RPS6KA2: variants seen among roughly 807,000 people sequenced by gnomAD.
RPS6KA2 encodes the protein ribosomal protein S6 kinase A2, also known as ribosomal protein S6 kinase alpha-2.
RPS6KA2 carries 42 observed loss-of-function variants against 91.8 expected under a neutral mutation model. That is an observed-to-expected ratio of 0.46 (90% CI 0.36 to 0.59). The LOEUF is 0.59. RPS6KA2 is among the 20% of genes least tolerant of loss of function. RPS6KA2 has a pLI of 0.00. For missense variants in RPS6KA2, 798 were observed against 978.5 expected (o/e 0.82, Z 2.46); for synonymous variants, 414 against 393.6 (o/e 1.05, Z -0.61).
intron 1 of RPS6KA2, among the ~76,000 whole-genome samples, chr6:166,572,284 A>G (rs530150830): frequency 3.4e-4 from 52 of 152,376 alleles, no homozygotes; most frequent in African/African-American, 1.2e-3. Flanking sequence ...TAGCTACCCA[A>G]TAAATATTGA....
chr6:166,521,911 G>A (rs1363031354), intron 3 of RPS6KA2, among the ~76,000 whole-genome samples: 1 of 152,164 alleles, frequency 6.6e-6, no homozygotes, highest in African/African-American at 2.4e-5. Context: ...AGGTGATTAG[G>A]TCAGAAGGGT....
At chr6:166,532,063 A>G (rs1036828510) in intron 2 of RPS6KA2, among the ~76,000 whole-genome samples, 1 of 152,216 alleles carries the variant, frequency 6.6e-6, no homozygotes, top group Non-Finnish European at 1.5e-5. Flanking sequence ...ATCTGCTTGC[A>G]TGATGGAGAT....
intron 1 of RPS6KA2, among the ~76,000 whole-genome samples, chr6:166,588,771 G>C (rs188263074): frequency 1.2e-4 from 18 of 152,164 alleles, no homozygotes; most frequent in Admixed American, 1.2e-3. Context: ...CTCAGGGCCC[G>C]AAGAGAGTCC....
chr6:166,579,132 C>G (rs1252741884), intron 1 of RPS6KA2, among the ~76,000 whole-genome samples: 13 of 152,272 alleles, frequency 8.5e-5, no homozygotes, highest in Admixed American at 7.2e-4. Flanking sequence ...ACCGCCTGGC[C>G]GTATCTGCCA....
intron 2 of RPS6KA2, among the ~76,000 whole-genome samples, chr6:166,693,477 T>C (rs996087066): frequency 6.6e-6 from 1 of 152,236 alleles, no homozygotes; most frequent in Non-Finnish European, 1.5e-5. Flanking sequence ...CTCAGGGTCC[T>C]GCGCCTCCAT....
intron 14 of RPS6KA2, among the ~76,000 whole-genome samples, chr6:166,436,295 G>A (rs190921126): frequency 7.4e-5 from 11 of 147,988 alleles, no homozygotes; most frequent in African/African-American, 2.5e-4. Flanking sequence ...GCAGTAGAGC[G>A]TGTTTCAGTT....
At chr6:166,789,172 T>C (rs1779010082) in intron 2 of RPS6KA2, among the ~76,000 whole-genome samples, 1 of 152,128 alleles carries the variant, frequency 6.6e-6, no homozygotes, top group Admixed American at 6.5e-5. Context: ...ATACTGCACT[T>C]TTCCCACGGC....
At chr6:166,669,917 A>C (rs995782511) in intron 2 of RPS6KA2, among the ~76,000 whole-genome samples, 11 of 152,302 alleles carry the variant, frequency 7.2e-5, no homozygotes, top group African/African-American at 2.6e-4. Context: ...GGAGGAACCC[A>C]CGTGGGGCCC....
At chr6:166,777,194 G>A (rs970347169) in intron 2 of RPS6KA2, among the ~76,000 whole-genome samples, 1 of 152,180 alleles carries the variant, frequency 6.6e-6, no homozygotes. Context: ...AGAAGAGGAC[G>A]GGAGACATCG....
chr6:166,490,295 G>T lies in RPS6KA2; in HGVS notation c.818+376C>A. 6.6e-6 allele frequency among the ~76,000 whole-genome samples: 1 copy of T among 152,048 alleles called. No homozygotes were observed. The highest frequency in any genetic ancestry group is 1.9e-4 in the East Asian group (1 of 5,184). On this transcript the variant is annotated intron_variant, in intron 9 of 20. Coordinates refer to ENST00000265678, the MANE Select transcript of RPS6KA2 (RefSeq NM_021135.6). This position sits in a 1 kb window ranked among gnomAD's most constrained non-coding sequence, Gnocchi z 4.2. Reference sequence around the variant, plus strand: ...CCCTGGAGGCCTTGTGTCTTTTTCCGTCTATCCTTTACTTCTGGGAGGTCA... The same window carrying T: ...CCCTGGAGGCCTTGTGTCTTTTTCCTTCTATCCTTTACTTCTGGGAGGTCA...
At chr6:166,653,723 C>T (rs879900199) in intron 2 of RPS6KA2, among the ~76,000 whole-genome samples, 2 of 152,154 alleles carry the variant, frequency 1.3e-5, no homozygotes, top group South Asian at 2.1e-4. Context: ...CCCATCTCAG[C>T]GGCACATGAA....
intron 2 of RPS6KA2, among the ~76,000 whole-genome samples, chr6:166,783,844 C>CGCA (rs1562437322): frequency 0.029 from 1,855 of 63,968 alleles, 343 homozygotes; most frequent in African/African-American, 0.076. Context: ...GCACACCTAT[C>CGCA]TATACCACAT....
chr6:166,505,404 C>T (rs1446556452), intron 5 of RPS6KA2, among the ~76,000 whole-genome samples: 3 of 152,330 alleles, frequency 2.0e-5, no homozygotes, highest in South Asian at 2.1e-4. Flanking sequence ...CTCATCCCCA[C>T]CCCCGACTTG....
chr6:166,677,203 C>T (rs1050213092), intron 2 of RPS6KA2, among the ~76,000 whole-genome samples: 6 of 152,180 alleles, frequency 3.9e-5, no homozygotes, highest in East Asian at 3.9e-4. Flanking sequence ...TCCAGAAAGA[C>T]GGAACGGAAG....
At chr6:166,765,680 G>T (rs1778292826) in intron 2 of RPS6KA2, among the ~76,000 whole-genome samples, 1 of 152,174 alleles carries the variant, frequency 6.6e-6, no homozygotes, top group Non-Finnish European at 1.5e-5. Flanking sequence ...TTAAAGAAGA[G>T]AATTCAAAGA....
At chr6:166,625,368 G>A (rs1341792107) in intron 1 of RPS6KA2, among the ~76,000 whole-genome samples, 1 of 116,248 alleles carries the variant, frequency 8.6e-6, no homozygotes, top group African/African-American at 3.5e-5. Context: ...TATTCTTTCC[G>A]GAGGCACGCC....
intron 1 of RPS6KA2, among the ~76,000 whole-genome samples, chr6:166,552,207 C>A (rs1349204454): frequency 6.6e-6 from 1 of 152,194 alleles, no homozygotes; most frequent in African/African-American, 2.4e-5. Context: ...GTCTTTGACC[C>A]CCCACAGGAC....
In RPS6KA2 at chr6:166,478,228, G is replaced by A. The variant is rs550081776; in HGVS notation, c.908-8323C>T. ...TGCCACCTGAGGCGGCACGTCCCTT[G>A]CACATATGCTCACGTGCTTATGTTA... On this transcript the variant is annotated intron_variant, in intron 10 of 20. Transcript: ENST00000265678. Among the ~76,000 whole-genome samples, 5 of 152,334 alleles carry A rather than the reference G, an allele frequency of 3.3e-5. No individual in the cohort carries two copies. The East Asian group carries it at 9.6e-4, about 29-fold the overall frequency.
chr6:166,567,213 C>T (rs372748746), intron 1 of RPS6KA2, among the ~76,000 whole-genome samples: 17 of 152,290 alleles, frequency 1.1e-4, no homozygotes, highest in African/African-American at 3.6e-4. Context: ...GGTGGCAAAT[C>T]GGATGTTCTT....
Sources: allele counts gnomAD v4.1 joint callset (sites outside exome capture counted in the v4.1 genomes callset), GRCh38; gene constraint gnomAD v4.1.1; non-coding constraint Gnocchi (gnomAD v3.1); transcripts MANE v1.5; gene names NCBI Gene and HGNC (gene_info 2026-07-23, HGNC 2026-07-21).